REEP3: variants seen among roughly 807,000 people sequenced by gnomAD.
The protein encoded by REEP3 is receptor accessory protein 3.
REEP3 carries 20 observed loss-of-function variants against 41.3 expected under a neutral mutation model. The observed-to-expected ratio is 0.48, with a 90% CI of 0.34 to 0.70. The LOEUF is 0.70. REEP3 is among the 30% of genes least tolerant of loss of function. REEP3 has a pLI of 0.01. For missense variants in REEP3, 271 were observed against 308.8 expected, an observed-to-expected ratio of 0.88 and a Z score of 0.92; for synonymous variants, 104 against 101.8, an observed-to-expected ratio of 1.02 and a Z score of -0.13.
intron 1 of REEP3, among the ~76,000 whole-genome samples, chr10:63,558,564 A>G (rs557031022): frequency 2.0e-5 from 3 of 152,144 alleles, no homozygotes; most frequent in Non-Finnish European, 4.4e-5. Flanking sequence ...AGGCAGACAG[A>G]TTGCTTGAGA....
chr10:63,529,830 G>A (rs1194488413), intron 1 of REEP3, among the ~76,000 whole-genome samples: 1 of 150,444 alleles, frequency 6.6e-6, no homozygotes, highest in African/African-American at 2.5e-5. Context: ...CCAGGCTGGA[G>A]TGCAATGGCG....
intron 1 of REEP3, chr10:63,521,809 C>T: frequency 3.6e-6 from 1 of 276,428 alleles, no homozygotes; most frequent in Admixed American, 5.5e-5. Flanking sequence ...GCTGCGACGG[C>T]GGCGGCGGCT....
chr10:63,600,728 T>A (rs1956164700), intron 5 of REEP3, among the ~76,000 whole-genome samples: 1 of 152,180 alleles, frequency 6.6e-6, no homozygotes, highest in Non-Finnish European at 1.5e-5. Context: ...GATATGAATC[T>A]TCAGATTGAA....
intron 1 of REEP3, among the ~76,000 whole-genome samples, chr10:63,549,564 A>G (rs1955609062): frequency 6.6e-6 from 1 of 152,212 alleles, no homozygotes; most frequent in Non-Finnish European, 1.5e-5. Flanking sequence ...CGAAGGGAAT[A>G]GAGAGAAAAG....
At chr10:63,541,045 T>A (rs16918573) in intron 1 of REEP3, among the ~76,000 whole-genome samples, 20,245 of 152,204 alleles carry the variant, frequency 0.13, 1,995 homozygotes, top group East Asian at 0.29. Flanking sequence ...ATTTCTTTAT[T>A]CTTTCTGGCA....
chr10:63,582,499 T>TA (rs1202729304), intron 2 of REEP3, among the ~76,000 whole-genome samples: 2 of 152,156 alleles, frequency 1.3e-5, no homozygotes, highest in African/African-American at 4.8e-5. Context: ...TGTGTGCTTT[T>TA]AAAAACATAT....
intron 1 of REEP3, among the ~76,000 whole-genome samples, chr10:63,525,011 CAAA>C (rs35948219): frequency 4.2e-5 from 6 of 143,040 alleles, no homozygotes; most frequent in Admixed American, 1.4e-4. Flanking sequence ...GACTCTGTCT[CAAA>C]AAAAAAAAAA....
At chr10:63,589,447 C>T (rs552129170) in intron 2 of REEP3, among the ~76,000 whole-genome samples, 2 of 152,220 alleles carry the variant, frequency 1.3e-5, no homozygotes. Context: ...CATGAGAGGC[C>T]CCTGCACAAG....
At chr10:63,599,034 A>G (rs1013022012) in intron 4 of REEP3, 136 bp from the exon 5 acceptor site, 6 of 566,020 alleles carry the variant, frequency 1.1e-5, no homozygotes, top group South Asian at 4.6e-5. Flanking sequence ...AAAAAAGAAA[A>G]GAAAAGAAAG....
chr10:63,593,932 A>G (rs1176752674), intron 2 of REEP3, among the ~76,000 whole-genome samples: 1 of 152,178 alleles, frequency 6.6e-6, no homozygotes, highest in Non-Finnish European at 1.5e-5. Context: ...CTGGGTAACT[A>G]GCATTATGGC....
intron 2 of REEP3, among the ~76,000 whole-genome samples, chr10:63,578,577 C>A (rs1006241913): frequency 1.3e-5 from 2 of 151,954 alleles, no homozygotes; most frequent in Non-Finnish European, 2.9e-5. Flanking sequence ...GAGTTTGAGA[C>A]CAGCCAGGGC....
intron 6 of REEP3, among the ~76,000 whole-genome samples, chr10:63,614,828 A>C (rs1262409000): frequency 6.6e-6 from 1 of 152,226 alleles, no homozygotes; most frequent in Admixed American, 6.5e-5. Context: ...TTGGATGACA[A>C]TCTGGCAGTA....
intron 2 of REEP3, among the ~76,000 whole-genome samples, chr10:63,594,513 A>G (rs1427594488): frequency 2.0e-5 from 3 of 152,222 alleles, no homozygotes; most frequent in Non-Finnish European, 1.5e-5. Context: ...TTCCTAGATT[A>G]TATTGTATCA....
At chr10:63,597,621 CTT>C (rs1196828121) in intron 3 of REEP3, among the ~76,000 whole-genome samples, 2 of 152,286 alleles carry the variant, frequency 1.3e-5, no homozygotes, top group African/African-American at 4.8e-5. Flanking sequence ...CATTCAAAAA[CTT>C]AGCATAGGCT....
At chr10:63,559,440 G>A (rs1337103552) in intron 1 of REEP3, among the ~76,000 whole-genome samples, 3 of 151,918 alleles carry the variant, frequency 2.0e-5, no homozygotes, top group African/African-American at 7.3e-5. Flanking sequence ...GTCCTGAAAT[G>A]GATATTTTCA....
At chr10:63,558,597 G>A (rs1955712208) in intron 1 of REEP3, among the ~76,000 whole-genome samples, 1 of 152,056 alleles carries the variant, frequency 6.6e-6, no homozygotes, top group Non-Finnish European at 1.5e-5. Flanking sequence ...GCCCAGCCTG[G>A]CCAACATGGC....
At chr10:63,602,911 C>T (rs1020775594) in intron 5 of REEP3, among the ~76,000 whole-genome samples, 1 of 152,212 alleles carries the variant, frequency 6.6e-6, no homozygotes, top group Non-Finnish European at 1.5e-5. Flanking sequence ...ATATAGCCCT[C>T]ACCTGCACAA....
chr10:63,575,482 T>C (rs1366683856), intron 2 of REEP3, among the ~76,000 whole-genome samples: 1 of 152,198 alleles, frequency 6.6e-6, no homozygotes, highest in African/African-American at 2.4e-5. Context: ...TACTGTTCTG[T>C]ACTCCATTTT....
rs187420967 is a variant in REEP3 at position 63,547,657 on chromosome 10, T to C, written c.33-18681T>C. ...CTTTAGGATTGCATAGGAATCAAGA[T>C]TGTTCAAATTTAGCCTAAAATGTGA... is the stretch of plus-strand genomic sequence containing the variant. On this transcript the variant is annotated intron_variant, in intron 1 of 7. Transcript: ENST00000373758. Among the ~76,000 whole-genome samples the C allele has an allele frequency of 6.1e-3, 929 of 152,316 alleles. 3 individuals carry two copies. Among genetic ancestry groups the C allele is most frequent in the Non-Finnish European group, 0.011 (769 of 68,022 alleles).
Sources: allele counts gnomAD v4.1 joint callset (sites outside exome capture counted in the v4.1 genomes callset), GRCh38; gene constraint gnomAD v4.1.1; transcripts MANE v1.5; gene names NCBI Gene and HGNC (gene_info 2026-07-23, HGNC 2026-07-21).